Variants in GALNT16 observed in about 807,000 individuals in gnomAD.
GALNT16 encodes the protein UDP-GalNAc:polypeptide N-acetylgalactosaminyltransferase-like protein 1.
In GALNT16, 40 loss-of-function variants were observed where a neutral mutation model predicts 76.1. That is an observed-to-expected ratio of 0.53 (90% CI 0.41 to 0.68). The LOEUF (loss-of-function observed/expected upper bound fraction) is 0.68, where lower values mean the gene tolerates loss of function less well. GALNT16 is among the 30% of genes least tolerant of loss of function. GALNT16 has a pLI of 0.00. For missense variants in GALNT16, 621 were observed against 731.9 expected (o/e 0.85, Z 1.75); for synonymous variants, 276 against 285.2 (o/e 0.97, Z 0.32).
the GALNT16 span, among the ~76,000 whole-genome samples, chr14:69,368,760 A>G: frequency 6.6e-6 from 1 of 152,228 alleles, no homozygotes; most frequent in African/African-American, 2.4e-5. Context: ...AAGCTGGGCC[A>G]GTCCAGTCAG....
At chr14:69,324,397 A>C (rs2045248873) in intron 2 of GALNT16, among the ~76,000 whole-genome samples, 2 of 152,018 alleles carry the variant, frequency 1.3e-5, no homozygotes, top group African/African-American at 4.8e-5. Flanking sequence ...GTATCTGTAT[A>C]TACTAGGGAG....
At chr14:69,327,021 T>C (rs1443476551) in intron 5 of GALNT16, among the ~76,000 whole-genome samples, 1 of 152,176 alleles carries the variant, frequency 6.6e-6, no homozygotes, top group East Asian at 1.9e-4. Flanking sequence ...AAGCATTGAC[T>C]TCATAAGGCA....
the GALNT16 span, among the ~76,000 whole-genome samples, chr14:69,368,020 A>T: frequency 6.6e-6 from 1 of 152,000 alleles, no homozygotes; most frequent in South Asian, 2.1e-4. Flanking sequence ...GAAAAAGAAA[A>T]GAGAAAGAAT....
At chr14:69,323,293 C>T (rs902308691) in intron 2 of GALNT16, among the ~76,000 whole-genome samples, 1 of 152,200 alleles carries the variant, frequency 6.6e-6, no homozygotes, top group Non-Finnish European at 1.5e-5. Context: ...TTTAGAGGCT[C>T]CTGGCTCCTG....
At chr14:69,381,966 C>T in the GALNT16 span, among the ~76,000 whole-genome samples, 2 of 152,252 alleles carry the variant, frequency 1.3e-5, no homozygotes, top group Admixed American at 6.5e-5. Flanking sequence ...GCTGGGATTA[C>T]AGGCGTGAGC....
chr14:69,310,410 G>A (rs964007857), intron 1 of GALNT16, among the ~76,000 whole-genome samples: 1 of 152,118 alleles, frequency 6.6e-6, no homozygotes, highest in Non-Finnish European at 1.5e-5. Context: ...TTAAGTCAAG[G>A]AGAATGTATG....
intron 1 of GALNT16, among the ~76,000 whole-genome samples, chr14:69,269,912 C>T (rs1432254861): frequency 2.0e-5 from 3 of 151,754 alleles, no homozygotes; most frequent in East Asian, 1.9e-4. Flanking sequence ...GAAAAGGTAA[C>T]GGAGCCCTTG....
intron 1 of GALNT16, among the ~76,000 whole-genome samples, chr14:69,290,108 A>G (rs2044670965): frequency 6.6e-6 from 1 of 152,208 alleles, no homozygotes; most frequent in Admixed American, 6.5e-5. Flanking sequence ...CAATGATCTA[A>G]TGTGTAAGGT....
chr14:69,268,955 C>T (rs573277004), intron 1 of GALNT16, among the ~76,000 whole-genome samples: 3 of 152,264 alleles, frequency 2.0e-5, no homozygotes, highest in African/African-American at 7.2e-5. Flanking sequence ...AGGCCAGACA[C>T]GTTAGGCCTT....
At chr14:69,365,919 C>A in the GALNT16 span, among the ~76,000 whole-genome samples, 2 of 152,190 alleles carry the variant, frequency 1.3e-5, no homozygotes, top group Non-Finnish European at 2.9e-5. Flanking sequence ...CCCCATAGCA[C>A]ATATAGTCTA....
downstream of GALNT16, among the ~76,000 whole-genome samples, chr14:69,361,992 A>G (rs1483207710): frequency 6.6e-6 from 1 of 152,174 alleles, no homozygotes; most frequent in African/African-American, 2.4e-5. Flanking sequence ...GGGTGACAGA[A>G]TGAGACTCCA....
intron 1 of GALNT16, among the ~76,000 whole-genome samples, chr14:69,286,413 C>T (rs1335208370): frequency 2.0e-5 from 3 of 151,626 alleles, no homozygotes; most frequent in African/African-American, 7.3e-5. Context: ...AAGTGATTCT[C>T]CTGCCTCAGC....
chr14:69,312,055 ATCTGTCTATCT>A (rs1421725084), intron 1 of GALNT16, among the ~76,000 whole-genome samples: 84 of 90,110 alleles, frequency 9.3e-4, no homozygotes, highest in African/African-American at 2.8e-3. Flanking sequence ...AAAAAAAAAA[ATCTGTCTATCT>A]ATCTATCTAT....
chr14:69,290,417 G>A (rs1335023558), intron 1 of GALNT16, among the ~76,000 whole-genome samples: 1 of 152,246 alleles, frequency 6.6e-6, no homozygotes, highest in Non-Finnish European at 1.5e-5. Flanking sequence ...GCTGCCTGCA[G>A]CTGGGAACAG....
intron 1 of GALNT16, among the ~76,000 whole-genome samples, chr14:69,311,649 G>A (rs2045022135): frequency 6.6e-6 from 1 of 152,188 alleles, no homozygotes; most frequent in African/African-American, 2.4e-5. Flanking sequence ...CAGGTAATGT[G>A]TTTCTAAATT....
At chr14:69,329,973 A>G (rs1208862543) in intron 6 of GALNT16, among the ~76,000 whole-genome samples, 2 of 152,196 alleles carry the variant, frequency 1.3e-5, no homozygotes, top group Non-Finnish European at 2.9e-5. Context: ...AGGAGCCTTC[A>G]TATATTGCTG....
At chr14:69,308,529 ATACTT>A (rs1405781325) in intron 1 of GALNT16, among the ~76,000 whole-genome samples, 1 of 152,256 alleles carries the variant, frequency 6.6e-6, no homozygotes, top group African/African-American at 2.4e-5. Flanking sequence ...AGGATAAAGT[ATACTT>A]TAATTAATCA....
At chr14:69,312,329 G>C (rs1244268578) in intron 1 of GALNT16, among the ~76,000 whole-genome samples, 2 of 152,138 alleles carry the variant, frequency 1.3e-5, no homozygotes, top group Non-Finnish European at 2.9e-5. Context: ...GAAGTACAAT[G>C]ATGGCATGCA....
chr14:69,338,582 G>T, intron 9 of GALNT16, 69 bp from the exon 10 acceptor site: 1 of 1,588,100 alleles, frequency 6.3e-7, no homozygotes, highest in Non-Finnish European at 8.6e-7. Context: ...GGGAAGGGAA[G>T]CCAGCCCCTT....
Sources: gnomAD v4.1 joint callset for allele counts (sites outside exome capture counted in the v4.1 genomes callset) on GRCh38, gnomAD v4.1.1 for gene constraint, MANE v1.5 for transcripts, NCBI Gene and HGNC (gene_info 2026-07-23, HGNC 2026-07-21) for gene names.